The following THSD1 variants were observed in gnomAD, a reference collection of about 807,000 sequenced individuals.
THSD1 encodes the protein thrombospondin type 1 domain containing 1.
THSD1 carries 34 observed loss-of-function variants against 46.3 expected under a neutral mutation model. That is an observed-to-expected ratio of 0.74 (90% CI 0.56 to 0.98). The LOEUF (loss-of-function observed/expected upper bound fraction) is 0.98, where lower values mean the gene tolerates loss of function less well. Ranked by LOEUF, THSD1 falls within the 50% of genes least tolerant of loss-of-function variation. The pLI is 0.00. For missense variants in THSD1, 1,023 were observed against 1,058.3 expected (o/e 0.97, Z 0.46); for synonymous variants, 407 against 416.5 (o/e 0.98, Z 0.28).
chr13:52,379,619 C>A (rs573228652), intron 4 of THSD1, among the ~76,000 whole-genome samples: 10 of 152,080 alleles, frequency 6.6e-5, no homozygotes, highest in Non-Finnish European at 4.4e-5. Context: ...GAACTATAGG[C>A]GCATGCCACC....
chr13:52,384,204 G>A (rs56741071), intron 4 of THSD1: 4,767 of 201,996 alleles, frequency 0.024, 164 homozygotes, highest in African/African-American at 0.091. Context: ...AAAAAAAAAA[G>A]AAGAAGAAGA....
At position 52,398,078 on chromosome 13, in the gene THSD1, C is replaced by T. The variant is rs1199189097; in HGVS notation, c.175G>A (p.Val59Ile). The change falls in exon 3 of 5, where the codon GTA becomes ATA. Residue 59 changes from valine to isoleucine, a missense_variant. Around this residue, in one of 3 missense-constraint regions of THSD1, gnomAD observed 429 missense variants for 518.3 expected, o/e 0.83. Coordinates refer to ENST00000258613, the MANE Select transcript of THSD1 (RefSeq NM_018676.4). ...TTGGCCTCCAACAGCAGGACAGATA[C>T]ATTCCTCAGTGTCCCATTAGCACCA... ...FDGANGTLRN[V>I]SVLLLEANTN... 6 of 1,614,092 alleles carry T rather than the reference C, an allele frequency of 3.7e-6. No individual in the cohort carries two copies. In the Admixed American group the frequency reaches 1.0e-4, roughly 27 times the overall value.
chr13:52,404,986 T>C (rs529328017), intron 1 of THSD1, among the ~76,000 whole-genome samples: 1 of 152,314 alleles, frequency 6.6e-6, no homozygotes, highest in South Asian at 2.1e-4. Context: ...AGTCATAATA[T>C]GTCTCTTTAA....
At position 52,402,574 on chromosome 13, in the gene THSD1, T is replaced by C; in HGVS notation, c.27A>G (p.Ser9=). The C allele has an allele frequency of 1.2e-6, 2 of 1,614,050 alleles. No homozygotes were observed. Among genetic ancestry groups the C allele is most frequent in the Non-Finnish European group, 1.7e-6 (2 of 1,179,952 alleles). Residue 9 remains serine (S), a synonymous_variant, in exon 2 of 5, where the codon TCA becomes TCG. Coordinates refer to ENST00000258613, the MANE Select transcript of THSD1 (RefSeq NM_018676.4). ...CACAGAGTACCACCAACAATAGATT[T>C]GAAAAGTCTTTCAACATTGGTTTCA... The part of the protein sequence containing the change: MKPMLKDF[S]NLLLVVLCDY...
In THSD1 at chr13:52,378,226, C is replaced by A; in HGVS notation, c.1744G>T (p.Ala582Ser). The A allele has an allele frequency of 6.2e-7, 1 of 1,614,234 alleles. No individual in the cohort carries two copies. Among genetic ancestry groups the A allele is most frequent in the Non-Finnish European group, 8.5e-7 (1 of 1,180,052 alleles). ...LDLESPEEAA[A>S]NKFRIKSPFP... is the part of the protein sequence containing the mutation. ...GGGGATTTGATCCGGAACTTGTTTG[C>A]TGCAGCTTCTTCCGGGCTTTCCAAA... The change falls in exon 5 of 5, where the codon GCA (alanine) becomes TCA (serine). Residue 582 changes from alanine (A) to serine (S), a missense_variant. Coordinates refer to ENST00000258613, the MANE Select transcript of THSD1 (RefSeq NM_018676.4).
chr13:52,380,055 C>T (rs1477184773), intron 4 of THSD1, among the ~76,000 whole-genome samples: 2 of 152,128 alleles, frequency 1.3e-5, no homozygotes, highest in African/African-American at 4.8e-5. Context: ...CTATTTTCAG[C>T]CATCCACTCC....
intron 3 of THSD1, among the ~76,000 whole-genome samples, chr13:52,389,957 T>C (rs947336319): frequency 2.0e-5 from 3 of 151,844 alleles, no homozygotes; most frequent in Admixed American, 6.6e-5. Context: ...CTGGGCAACA[T>C]AGCAAAAACC....
At chr13:52,395,867 T>C (rs1281798529) in intron 3 of THSD1, among the ~76,000 whole-genome samples, 1 of 152,144 alleles carries the variant, frequency 6.6e-6, no homozygotes, top group East Asian at 1.9e-4. Flanking sequence ...GAAAGCATGA[T>C]CCACCCACGG....
intron 3 of THSD1, among the ~76,000 whole-genome samples, chr13:52,391,611 T>A (rs974470568): frequency 3.3e-5 from 5 of 151,902 alleles, no homozygotes; most frequent in Non-Finnish European, 7.4e-5. Flanking sequence ...TGGTGCAATC[T>A]TGGCTCACTG....
intron 3 of THSD1, among the ~76,000 whole-genome samples, chr13:52,394,579 ACTC>A (rs1957798487): frequency 6.6e-6 from 1 of 151,038 alleles, no homozygotes; most frequent in African/African-American, 2.4e-5. Context: ...GTGCCACTGC[ACTC>A]CAGCCTGGGC....
chr13:52,377,919 C>G lies in THSD1; in HGVS notation c.2051G>C (p.Arg684Thr). The G allele has an allele frequency of 6.2e-7, 1 of 1,614,176 alleles. No individual in the cohort carries two copies. Among genetic ancestry groups the G allele is most frequent in the Non-Finnish European group, 8.5e-7 (1 of 1,180,022 alleles). ...TPRQAPAYSS[R>T]TRTCEQAEDR... ...CTCTGCCTGCTCGCAGGTCCGCGTC[C>G]TAGAGCTGTAGGCAGGGGCCTGCCG... The change falls in exon 5 of 5, where the codon AGG (arginine) becomes ACG (threonine). Residue 684 changes from arginine (R) to threonine (T), a missense_variant. Physicochemically the swap from Arg to Thr is moderately conservative, Grantham distance 71. Transcript: ENST00000258613.
At chr13:52,383,191 T>G (rs1957705554) in intron 4 of THSD1, among the ~76,000 whole-genome samples, 1 of 152,190 alleles carries the variant, frequency 6.6e-6, no homozygotes, top group African/African-American at 2.4e-5. Flanking sequence ...CATATCTTAT[T>G]AATACATTCC....
rs759565488 is a variant in THSD1 at position 52,378,603 on chromosome 13, G to T, written c.1367C>A (p.Ser456Tyr). 2.5e-6 allele frequency: 4 copies of T among 1,614,142 alleles called. No individual in the cohort carries two copies. Among genetic ancestry groups the T allele is most frequent in the Non-Finnish European group, 3.4e-6 (4 of 1,180,032 alleles). Residue 456 changes from serine (S) to tyrosine (Y), a missense_variant, in exon 5 of 5, where the codon TCC becomes TAC. Transcript: ENST00000258613. ...STPARHNSIH[S>Y]PSFRKNSDEE... ...GTCCGAGTTCTTCCGGAAGCTGGGG[G>T]AGTGGATGGAGTTGTGTCGAGCAGG...
At position 52,378,095 on chromosome 13, in the gene THSD1, G is replaced by T; in HGVS notation, c.1875C>A (p.Ile625=). 6.2e-7 allele frequency: 1 copy of T among 1,614,194 alleles called. No individual in the cohort carries two copies. Among genetic ancestry groups the T allele is most frequent in the African/African-American group, 1.3e-5 (1 of 75,066 alleles). Residue 625 remains isoleucine (I), a synonymous_variant, in exon 5 of 5, where the codon ATC becomes ATA. Transcript: ENST00000258613. ...CCACGTGCCTTGCCTGTGACTTGCG[G>T]ATCAGAGTCTGGCTGGGGCTTATGG... is the stretch of plus-strand genomic sequence containing the variant. ...SCAISPSQTL[I]RKSQARHVGS... is the part of the protein sequence containing the mutation.
rs1302557123 is a variant in THSD1, at chr13:52,397,635, A to T, written c.618T>A (p.Cys206Ter). 2 of 1,614,076 alleles carry T rather than the reference A, an allele frequency of 1.2e-6. No homozygotes were observed. The highest frequency in any genetic ancestry group is 1.7e-6 in the Non-Finnish European group (2 of 1,180,032). Reference protein sequence around the residue: ...LAQGQWVEFGCAPLGPEAYVT... With the variant: ...LAQGQWVEFG Reference sequence around the variant, plus strand: ...CATAGGCTTCTGGCCCCAAGGGTGCACAGCCAAACTCAACCCACTGACCTT... The same window carrying T: ...CATAGGCTTCTGGCCCCAAGGGTGCTCAGCCAAACTCAACCCACTGACCTT... The change falls in exon 3 of 5, where the codon TGT (cysteine) becomes TGA (stop). Residue 206 changes from cysteine to a stop codon, truncating the protein, a stop_gained. Coordinates refer to ENST00000258613, the MANE Select transcript of THSD1 (RefSeq NM_018676.4). LOFTEE classifies it high-confidence loss of function.
chr13:52,391,095 G>A (rs1195280274), intron 3 of THSD1, among the ~76,000 whole-genome samples: 2 of 152,192 alleles, frequency 1.3e-5, no homozygotes, highest in Admixed American at 6.5e-5. Flanking sequence ...GGCTGCATTA[G>A]AAGTTTTCAT....
intron 3 of THSD1, 95 bp downstream of exon 3, chr13:52,397,137 G>C: frequency 9.1e-7 from 1 of 1,099,050 alleles, no homozygotes; most frequent in Non-Finnish European, 1.3e-6. Flanking sequence ...CCATAAAAAT[G>C]ATGGTACAAT....
rs775552362 is a variant in THSD1, at chr13:52,397,703, G to C, written c.550C>G (p.Gln184Glu). Reference protein sequence around the residue: ...SLPEARRNSRQPLEIRTSKRT... With the variant: ...SLPEARRNSREPLEIRTSKRT... ...TTGCTGGTTCTTATTTCCAGCGGCT[G>C]TCTTGAATTTCTTCTTGCCTCAGGA... Residue 184 changes from glutamine to glutamate, a missense_variant, in exon 3 of 5, where the codon CAG (glutamine) becomes GAG (glutamate). By Grantham distance (29) the Gln-to-Glu change is conservative (BLOSUM62 2). Transcript: ENST00000258613. The C allele has an allele frequency of 8.7e-6, 14 of 1,614,084 alleles. No homozygotes were observed. Among genetic ancestry groups the C allele is most frequent in the African/African-American group, 1.3e-5 (1 of 74,928 alleles).
rs1957653566 is a variant in THSD1 at position 52,378,141 on chromosome 13, T to C, written c.1829A>G (p.Asn610Ser). The change falls in exon 5 of 5, where the codon AAT becomes AGT. Residue 610 changes from asparagine to serine, a missense_variant. Around this residue, in one of 3 missense-constraint regions of THSD1, gnomAD observed 578 missense variants for 497.4 expected, o/e 1.16. Transcript: ENST00000258613. ...TATGGCACAACTGGCCTGAGTCACA[T>C]TTAGATCCAGCCTGGAGGGAGGCCT... ...GERPPSRLDL[N>S]VTQASCAISP... 6.2e-7 allele frequency: 1 copy of C among 1,614,144 alleles called. No homozygotes were observed.
Sources: gnomAD v4.1 joint callset for allele counts (sites outside exome capture counted in the v4.1 genomes callset) on GRCh38, gnomAD v4.1.1 for gene constraint, gnomAD v4.1.1 regional missense constraint, MANE v1.5 for transcripts, NCBI Gene and HGNC (gene_info 2026-07-23, HGNC 2026-07-21) for gene names.